NKAIN3: variants seen among roughly 807,000 people sequenced by gnomAD.
NKAIN3 encodes the protein sodium/potassium transporting ATPase interacting 3.
NKAIN3 carries 25 observed loss-of-function variants against 30.2 expected under a neutral mutation model. The observed-to-expected ratio is 0.83, with a 90% CI of 0.60 to 1.16. The LOEUF is 1.16. NKAIN3 is among the 50% of genes most tolerant of loss of function. The pLI is 0.00. For synonymous variants in NKAIN3, 91 were observed against 89.6 expected, an observed-to-expected ratio of 1.02 and a Z score of -0.09; for missense variants, 225 against 254.1, an observed-to-expected ratio of 0.89 and a Z score of 0.78.
At chr8:62,314,802 A>G (rs2129588916) in intron 1 of NKAIN3, among the ~76,000 whole-genome samples, 1 of 152,306 alleles carries the variant, frequency 6.6e-6, no homozygotes, top group Non-Finnish European at 1.5e-5. Context: ...GCAGATTTTT[A>G]AAACATACAC....
chr8:62,409,616 T>C (rs1277592439), intron 1 of NKAIN3, among the ~76,000 whole-genome samples: 4 of 152,168 alleles, frequency 2.6e-5, no homozygotes, highest in Non-Finnish European at 4.4e-5. Context: ...AAGATGTTAA[T>C]ATTTATTAAT....
rs187043676 is a variant in NKAIN3, at chr8:62,968,809, G to C, written c.*3402G>C. Among the ~76,000 whole-genome samples, 30 of 152,226 alleles carry C rather than the reference G, an allele frequency of 2.0e-4. No homozygotes were observed. In the East Asian group the frequency reaches 5.2e-3, roughly 26 times the overall value. On this transcript the variant is annotated 3_prime_UTR_variant, in exon 7 of 7. Transcript: ENST00000623646. ...CTGACCTCGTGCAGCACCGCAGGAA[G>C]CTGGGATGCTTTCGAGCTTACTTTT... is the stretch of plus-strand genomic sequence containing the variant.
intron 1 of NKAIN3, among the ~76,000 whole-genome samples, chr8:62,417,637 A>G (rs1286258174): frequency 6.6e-6 from 1 of 152,088 alleles, no homozygotes; most frequent in African/African-American, 2.4e-5. Context: ...AGCATTTTTT[A>G]TTGCCTGTTT....
At chr8:62,902,318 A>C (rs1821637608) in intron 4 of NKAIN3, among the ~76,000 whole-genome samples, 1 of 152,348 alleles carries the variant, frequency 6.6e-6, no homozygotes, top group Admixed American at 6.5e-5. Context: ...AAGGGTTTTA[A>C]GTAGCTAGAG....
At chr8:62,624,765 A>G (rs539854345) in intron 3 of NKAIN3, among the ~76,000 whole-genome samples, 1 of 146,252 alleles carries the variant, frequency 6.8e-6, no homozygotes, top group African/African-American at 2.5e-5. Flanking sequence ...TAGTTGTCCC[A>G]TGGTTCTTGA....
At chr8:62,704,423 A>C (rs2130476180) in intron 3 of NKAIN3, among the ~76,000 whole-genome samples, 1 of 152,256 alleles carries the variant, frequency 6.6e-6, no homozygotes, top group Non-Finnish European at 1.5e-5. Context: ...CTTCATCATT[A>C]GGGTGTCTGT....
chr8:62,635,135 T>TA (rs1173914769), intron 3 of NKAIN3, among the ~76,000 whole-genome samples: 1 of 151,944 alleles, frequency 6.6e-6, no homozygotes, highest in Admixed American at 6.6e-5. Context: ...TGTGACAGGG[T>TA]ATGGACTGCA....
Position 62,344,221 on chromosome 8 carries a change from A to G in NKAIN3, c.54+95094A>G, listed in dbSNP as rs79483510. On this transcript the variant is annotated intron_variant, in intron 1 of 6. Coordinates refer to ENST00000623646, the MANE Select transcript of NKAIN3 (RefSeq NM_001304533.3). ...ACTTCTTTAAAATAAGTTTAAAAGA[A>G]CATTAAATGTCAGGTAGCCCAACCT... Among the ~76,000 whole-genome samples the G allele has an allele frequency of 5.5e-3, 840 of 152,220 alleles. 12 individuals carry two copies. Among genetic ancestry groups the G allele is most frequent in the African/African-American group, 0.019 (800 of 41,564 alleles).
At chr8:62,440,890 C>T (rs1310916893) in intron 1 of NKAIN3, among the ~76,000 whole-genome samples, 5 of 152,020 alleles carry the variant, frequency 3.3e-5, no homozygotes, top group East Asian at 3.9e-4. Flanking sequence ...GCTGCTGTTC[C>T]GAATATCCTA....
chr8:62,805,672 C>A lies in NKAIN3; in HGVS notation c.471+58543C>A, dbSNP rs927059856. 1.1e-3 allele frequency among the ~76,000 whole-genome samples: 166 copies of A among 152,238 alleles called. 1 individual carries two copies. Among genetic ancestry groups the A allele is most frequent in the African/African-American group, 3.6e-3 (150 of 41,538 alleles). On this transcript the variant is annotated intron_variant, in intron 4 of 6. Transcript: ENST00000623646. ...TAATTCACGATGGATTAAAGACTTA[C>A]ATGTTAGACCTAAAACCATAAAATC...
chr8:62,343,048 C>A (rs143908355), intron 1 of NKAIN3, among the ~76,000 whole-genome samples: 1 of 152,084 alleles, frequency 6.6e-6, no homozygotes, highest in East Asian at 1.9e-4. Flanking sequence ...ATCATCTTTC[C>A]TTTTTCATCA....
intron 5 of NKAIN3, among the ~76,000 whole-genome samples, chr8:62,943,423 A>G (rs1823026287): frequency 6.6e-6 from 1 of 152,184 alleles, no homozygotes; most frequent in Non-Finnish European, 1.5e-5. Flanking sequence ...AAAAGGGAAC[A>G]CTTTTATACT....
intron 5 of NKAIN3, among the ~76,000 whole-genome samples, chr8:62,932,181 C>T (rs919728478): frequency 1.3e-5 from 2 of 152,130 alleles, no homozygotes; most frequent in African/African-American, 4.8e-5. Context: ...CATAAATAAA[C>T]AAACTTAAAT....
intron 4 of NKAIN3, among the ~76,000 whole-genome samples, chr8:62,816,910 C>T (rs1205611911): frequency 6.6e-6 from 1 of 152,134 alleles, no homozygotes; most frequent in Non-Finnish European, 1.5e-5. Context: ...CTAGTCTGGG[C>T]TCAGGACCTG....
chr8:62,331,685 A>G (rs1815363931), intron 1 of NKAIN3, among the ~76,000 whole-genome samples: 1 of 152,130 alleles, frequency 6.6e-6, no homozygotes, highest in Non-Finnish European at 1.5e-5. Context: ...TTTATATTAG[A>G]TACACTGGAA....
chr8:62,632,602 A>C (rs1811994577), intron 3 of NKAIN3, among the ~76,000 whole-genome samples: 1 of 152,046 alleles, frequency 6.6e-6, no homozygotes. Flanking sequence ...TTCCAGGTTC[A>C]AGCGATTCTC....
intron 4 of NKAIN3, among the ~76,000 whole-genome samples, chr8:62,761,911 G>A (rs1397881353): frequency 1.3e-5 from 2 of 152,084 alleles, no homozygotes; most frequent in African/African-American, 4.8e-5. Context: ...GAAACAATTT[G>A]GCCCTTTACT....
At chr8:62,320,878 C>T (rs1224659856) in intron 1 of NKAIN3, among the ~76,000 whole-genome samples, 1 of 152,180 alleles carries the variant, frequency 6.6e-6, no homozygotes, top group Admixed American at 6.5e-5. Flanking sequence ...GAATGTTGGC[C>T]TGCCTTGCTA....
intron 1 of NKAIN3, among the ~76,000 whole-genome samples, chr8:62,513,509 CAGAT>C (rs975464866): frequency 6.6e-6 from 1 of 152,036 alleles, no homozygotes; most frequent in African/African-American, 2.4e-5. Flanking sequence ...AAGCTGCAAT[CAGAT>C]AGATGAGTAG....
Sources: gnomAD v4.1 joint callset for allele counts (sites outside exome capture counted in the v4.1 genomes callset) on GRCh38, gnomAD v4.1.1 for gene constraint, MANE v1.5 for transcripts, NCBI Gene and HGNC (gene_info 2026-07-23, HGNC 2026-07-21) for gene names.